THSD7B: variants seen among roughly 807,000 people sequenced by gnomAD.
THSD7B encodes the protein thrombospondin type 1 domain containing 7B, also known as thrombospondin type-1 domain-containing protein 7B.
A neutral mutation model predicts 213.6 loss-of-function variants in THSD7B; 138 were observed. The ratio of observed to expected loss-of-function variants is 0.65; its 90% confidence interval spans 0.56 to 0.74. The LOEUF is 0.74. Among genes scored for constraint, THSD7B ranks in the 30% least tolerant of loss-of-function variants. THSD7B has a pLI of 0.00. For missense variants in THSD7B, 1,931 were observed against 1,991.5 expected (o/e 0.97, Z 0.58); for synonymous variants, 742 against 687.0 (o/e 1.08, Z -1.25).
chr2:136,784,536 T>G (rs1681804295), intron 1 of THSD7B, among the ~76,000 whole-genome samples: 1 of 141,838 alleles, frequency 7.1e-6, no homozygotes, highest in Non-Finnish European at 1.5e-5. Context: ...TAGAAGGCTG[T>G]TAAATTATTG....
chr2:137,073,960 T>G (rs956780028), intron 3 of THSD7B, among the ~76,000 whole-genome samples: 18 of 152,204 alleles, frequency 1.2e-4, no homozygotes, highest in Admixed American at 5.9e-4. Flanking sequence ...CAGTTTGTTA[T>G]AATTTCTGTT....
intron 7 of THSD7B, among the ~76,000 whole-genome samples, chr2:137,177,225 T>G (rs1205265432): frequency 3.3e-5 from 5 of 152,232 alleles, no homozygotes; most frequent in Non-Finnish European, 7.3e-5. Context: ...TTGAATTCCA[T>G]TTATTTTCCA....
intron 2 of THSD7B, among the ~76,000 whole-genome samples, chr2:136,987,797 TGAAA>T (rs1448747711): frequency 6.6e-6 from 1 of 152,196 alleles, no homozygotes; most frequent in African/African-American, 2.4e-5. Context: ...ACAAAAAGGA[TGAAA>T]GAAGTAATAA....
At chr2:137,125,685 G>T (rs547719895) in intron 5 of THSD7B, among the ~76,000 whole-genome samples, 5 of 152,030 alleles carry the variant, frequency 3.3e-5, no homozygotes, top group Non-Finnish European at 7.4e-5. Context: ...AATGGTGAAC[G>T]CATTTTCAAT....
At chr2:136,998,664 T>C (rs1313428285) in intron 2 of THSD7B, among the ~76,000 whole-genome samples, 2 of 152,164 alleles carry the variant, frequency 1.3e-5, no homozygotes, top group Non-Finnish European at 2.9e-5. Context: ...TTACCTAGCA[T>C]AGATGTGCAT....
intron 17 of THSD7B, among the ~76,000 whole-genome samples, chr2:137,582,880 G>A (rs1219066030): frequency 6.6e-6 from 1 of 152,138 alleles, no homozygotes; most frequent in Admixed American, 6.5e-5. Flanking sequence ...GGGTCAAACT[G>A]TATTTCTAGT....
intron 12 of THSD7B, among the ~76,000 whole-genome samples, chr2:137,328,724 G>T (rs917337373): frequency 4.6e-5 from 7 of 152,210 alleles, no homozygotes; most frequent in African/African-American, 1.7e-4. Flanking sequence ...GAGGGACCTG[G>T]TGGGAGGTAA....
intron 3 of THSD7B, among the ~76,000 whole-genome samples, chr2:137,061,389 C>T (rs893687120): frequency 6.7e-6 from 1 of 150,212 alleles, no homozygotes; most frequent in African/African-American, 2.4e-5. Flanking sequence ...CCAAGACTTC[C>T]AGTACAATGT....
intron 2 of THSD7B, among the ~76,000 whole-genome samples, chr2:136,919,465 C>T (rs1378534505): frequency 6.6e-6 from 1 of 152,194 alleles, no homozygotes; most frequent in Non-Finnish European, 1.5e-5. Context: ...CTTTATAATG[C>T]CAGTTGCTTC....
At chr2:136,997,928 T>C (rs1294318650) in intron 2 of THSD7B, among the ~76,000 whole-genome samples, 1 of 152,050 alleles carries the variant, frequency 6.6e-6, no homozygotes, top group Non-Finnish European at 1.5e-5. Context: ...GGGTTCCTCA[T>C]GCTACCAAGG....
intron 1 of THSD7B, among the ~76,000 whole-genome samples, chr2:136,856,935 A>G (rs1683188804): frequency 6.6e-6 from 1 of 152,236 alleles, no homozygotes; most frequent in Admixed American, 6.5e-5. Context: ...CTAAGATTTC[A>G]TAAACAACTT....
At chr2:136,806,597 A>G (rs1174575557) in intron 1 of THSD7B, among the ~76,000 whole-genome samples, 1 of 152,236 alleles carries the variant, frequency 6.6e-6, no homozygotes, top group Non-Finnish European at 1.5e-5. Flanking sequence ...AGATGCGAAG[A>G]TAGTACAAAG....
chr2:137,221,353 GA>G (rs1323219350), intron 7 of THSD7B, among the ~76,000 whole-genome samples: 1 of 152,116 alleles, frequency 6.6e-6, no homozygotes, highest in Non-Finnish European at 1.5e-5. Context: ...ACTACAGGGG[GA>G]CCCCTCAAGG....
chr2:137,340,259 A>C (rs1390885530), intron 12 of THSD7B, among the ~76,000 whole-genome samples: 1 of 151,906 alleles, frequency 6.6e-6, no homozygotes, highest in Non-Finnish European at 1.5e-5. Context: ...TTTCAGATGA[A>C]ATATATCTTA....
intron 2 of THSD7B, among the ~76,000 whole-genome samples, chr2:136,933,398 A>G (rs528611699): frequency 6.6e-6 from 1 of 152,126 alleles, no homozygotes; most frequent in Non-Finnish European, 1.5e-5. Flanking sequence ...AACATGGTGA[A>G]ACCCTGCCTC....
At chr2:137,096,026 A>G (rs1386233793) in intron 4 of THSD7B, among the ~76,000 whole-genome samples, 1 of 152,036 alleles carries the variant, frequency 6.6e-6, no homozygotes, top group Non-Finnish European at 1.5e-5. Context: ...ACATCTTGAT[A>G]TTGGTTATAC....
intron 15 of THSD7B, among the ~76,000 whole-genome samples, chr2:137,480,006 C>T (rs1354572254): frequency 1.3e-5 from 2 of 152,180 alleles, no homozygotes; most frequent in Non-Finnish European, 1.5e-5. Context: ...CTTCTTGGGT[C>T]TTTCATTTAC....
intron 14 of THSD7B, among the ~76,000 whole-genome samples, chr2:137,422,983 T>C (rs1465757746): frequency 1.3e-5 from 2 of 152,146 alleles, no homozygotes; most frequent in African/African-American, 4.8e-5. Flanking sequence ...GAGAATAAAT[T>C]GTGGACCCAT....
chr2:137,539,420 A>C lies in THSD7B; in HGVS notation c.3139-23801A>C, dbSNP rs1680566896. On this transcript the variant is annotated intron_variant, in intron 15 of 27. Transcript: ENST00000409968. Reference sequence around the variant, plus strand: ...TGCCTTATGCTGTTTGGTTGTTAGGAGGCAGATTTTAAGATCCAAGAATGT... The same window carrying C: ...TGCCTTATGCTGTTTGGTTGTTAGGCGGCAGATTTTAAGATCCAAGAATGT... Among the ~76,000 whole-genome samples the C allele has an allele frequency of 3.3e-5, 5 of 151,570 alleles. No individual in the cohort carries two copies. In the South Asian group the frequency reaches 1.0e-3, roughly 31 times the overall value.
Sources: allele counts gnomAD v4.1 joint callset (sites outside exome capture counted in the v4.1 genomes callset), GRCh38; gene constraint gnomAD v4.1.1; transcripts MANE v1.5; gene names NCBI Gene and HGNC (gene_info 2026-07-23, HGNC 2026-07-21).